UVRAG: variants seen among roughly 807,000 people sequenced by gnomAD.
UVRAG encodes the protein UV radiation resistance associated, also known as UV radiation resistance-associated gene protein.
UVRAG carries 19 observed loss-of-function variants against 78.0 expected under a neutral mutation model. That is an observed-to-expected ratio of 0.24 (90% CI 0.17 to 0.36). UVRAG has a LOEUF of 0.36. UVRAG is among the 10% of genes least tolerant of loss of function. UVRAG has a pLI of 1.00. For missense variants in UVRAG, 740 were observed against 853.8 expected, an observed-to-expected ratio of 0.87 and a Z score of 1.66; for synonymous variants, 323 against 324.6, an observed-to-expected ratio of 1.00 and a Z score of 0.05.
intron 5 of UVRAG, among the ~76,000 whole-genome samples, chr11:75,907,223 T>C (rs1947634864): frequency 6.6e-6 from 1 of 152,246 alleles, no homozygotes; most frequent in East Asian, 1.9e-4. Context: ...TTGTTCTGGC[T>C]AGAACTTAGA....
chr11:75,959,939 A>T (rs917345053), intron 6 of UVRAG, among the ~76,000 whole-genome samples: 1 of 152,214 alleles, frequency 6.6e-6, no homozygotes, highest in Non-Finnish European at 1.5e-5. Context: ...GCCAGTCAGT[A>T]GAGCAGTCAG....
chr11:76,037,327 C>G (rs993676183), intron 12 of UVRAG, among the ~76,000 whole-genome samples: 16 of 152,032 alleles, frequency 1.1e-4, no homozygotes, highest in African/African-American at 3.9e-4. Context: ...AGAAAAATAT[C>G]ATATCATTTC....
At chr11:75,837,183 C>G in intron 1 of UVRAG, among the ~76,000 whole-genome samples, 1 of 151,986 alleles carries the variant, frequency 6.6e-6, no homozygotes, top group South Asian at 2.1e-4. Flanking sequence ...AAAAATTAGC[C>G]GAGCGTGGTG....
At chr11:75,859,776 G>A (rs1046839420) in intron 2 of UVRAG, among the ~76,000 whole-genome samples, 13 of 152,084 alleles carry the variant, frequency 8.5e-5, no homozygotes, top group South Asian at 6.2e-4. Context: ...ATGCTACACA[G>A]TGTAGGTTCA....
chr11:75,887,011 G>A (rs1217638258), intron 4 of UVRAG, among the ~76,000 whole-genome samples: 1 of 151,666 alleles, frequency 6.6e-6, no homozygotes, highest in Non-Finnish European at 1.5e-5. Flanking sequence ...TGTCGCCCAG[G>A]CTGGAGTGCA....
chr11:76,128,271 G>A (rs1398309967), intron 14 of UVRAG, among the ~76,000 whole-genome samples: 7 of 152,238 alleles, frequency 4.6e-5, no homozygotes, highest in African/African-American at 1.4e-4. Flanking sequence ...CTACTCACGC[G>A]GGGGATCTAG....
intron 1 of UVRAG, among the ~76,000 whole-genome samples, chr11:75,833,794 C>T (rs1195543025): frequency 1.3e-5 from 2 of 152,230 alleles, no homozygotes; most frequent in African/African-American, 4.8e-5. Context: ...GGCTAGTTAT[C>T]TGCAGCAGGA....
intron 6 of UVRAG, among the ~76,000 whole-genome samples, chr11:75,943,148 A>C (rs534835456): frequency 6.6e-6 from 1 of 152,120 alleles, no homozygotes; most frequent in African/African-American, 2.4e-5. Flanking sequence ...TATTTATACT[A>C]TAGCACCTAT....
chr11:75,863,905 CT>C (rs1946479295), intron 3 of UVRAG, among the ~76,000 whole-genome samples: 3 of 152,138 alleles, frequency 2.0e-5, no homozygotes, highest in Admixed American at 6.6e-5. Flanking sequence ...AGGTCACAGA[CT>C]GTATGTCTTT....
chr11:75,955,045 T>C (rs1317283795), intron 6 of UVRAG, among the ~76,000 whole-genome samples: 3 of 152,196 alleles, frequency 2.0e-5, no homozygotes, highest in Admixed American at 1.3e-4. Context: ...GCCAGTAGTT[T>C]AGTATTGCTA....
chr11:76,128,587 G>A (rs1178815818), intron 14 of UVRAG, among the ~76,000 whole-genome samples: 1 of 152,092 alleles, frequency 6.6e-6, no homozygotes, highest in African/African-American at 2.4e-5. Context: ...GTATGACCTT[G>A]GGTGCCAGGC....
intron 1 of UVRAG, among the ~76,000 whole-genome samples, chr11:75,827,543 G>A (rs112157358): frequency 0.051 from 7,717 of 152,112 alleles, 676 homozygotes; most frequent in African/African-American, 0.18. Context: ...CCCAGGAGGC[G>A]GAGGTTGCAG....
At chr11:76,085,040 G>C (rs1951561460) in intron 13 of UVRAG, among the ~76,000 whole-genome samples, 1 of 146,782 alleles carries the variant, frequency 6.8e-6, no homozygotes, top group Non-Finnish European at 1.5e-5. Context: ...CTCCAGCCTG[G>C]GGGACAGAGC....
intron 14 of UVRAG, among the ~76,000 whole-genome samples, chr11:76,126,494 G>A (rs1952397577): frequency 1.3e-5 from 2 of 152,112 alleles, no homozygotes; most frequent in African/African-American, 4.8e-5. Context: ...GTTCCTAGTG[G>A]TCATGGTGGA....
intron 6 of UVRAG, chr11:75,914,563 G>C (rs901831304): frequency 7.2e-5 from 11 of 152,424 alleles, no homozygotes; most frequent in African/African-American, 2.6e-4. Flanking sequence ...GCCCGACCTT[G>C]GCTCACTTCT....
intron 6 of UVRAG, among the ~76,000 whole-genome samples, chr11:75,912,449 A>G (rs1268788912): frequency 6.6e-6 from 1 of 152,252 alleles, no homozygotes; most frequent in Non-Finnish European, 1.5e-5. Flanking sequence ...TCTTAAAAGA[A>G]TTATGTTTGG....
chr11:75,827,087 C>T (rs551771027), intron 1 of UVRAG, among the ~76,000 whole-genome samples: 4 of 152,028 alleles, frequency 2.6e-5, no homozygotes, highest in East Asian at 3.9e-4. Context: ...CTAGCAGCAA[C>T]CTTTGGCTTT....
chr11:75,970,993 A>G (rs182633853), intron 7 of UVRAG, among the ~76,000 whole-genome samples: 2 of 152,294 alleles, frequency 1.3e-5, no homozygotes, highest in Admixed American at 1.3e-4. Flanking sequence ...GCATTGCCCT[A>G]AAAATATCCT....
At chr11:75,986,609 G>A (rs323639) in intron 8 of UVRAG, among the ~76,000 whole-genome samples, 147,276 of 152,286 alleles carry the variant, frequency 0.97, 71,280 homozygotes, top group East Asian at 1. Flanking sequence ...TTAAAAAATC[G>A]GATTATTGAG....
Sources: gnomAD v4.1 joint callset for allele counts (sites outside exome capture counted in the v4.1 genomes callset) on GRCh38, gnomAD v4.1.1 for gene constraint, MANE v1.5 for transcripts, NCBI Gene and HGNC (gene_info 2026-07-23, HGNC 2026-07-21) for gene names.